The following EID3 variants were observed in gnomAD, a reference collection of about 807,000 sequenced individuals.
EID3 encodes the protein EP300 interacting inhibitor of differentiation 3.
EID3 carries 3 observed loss-of-function variants against 1.6 expected under a neutral mutation model. The ratio of observed to expected loss-of-function variants is 1.87; its 90% CI spans 0.85 to 4.83. The LOEUF (loss-of-function observed/expected upper bound fraction) is 4.83. Among genes scored for constraint, EID3 ranks in the 30% most tolerant of loss-of-function variants. The pLI, the probability that EID3 is intolerant of heterozygous loss-of-function variation, is 0.02. For missense variants in EID3, 471 were observed against 409.9 expected (o/e 1.15, Z -1.29); for synonymous variants, 164 against 148.1 (o/e 1.11, Z -0.78).
Position 104,304,953 on chromosome 12 carries a change from C to A in EID3, c.*17C>A. The A allele has an allele frequency of 6.5e-7, 1 of 1,548,424 alleles. No homozygotes were observed. On this transcript the variant is annotated 3_prime_UTR_variant, in exon 1 of 1. Coordinates refer to ENST00000527879, the MANE Select transcript of EID3 (RefSeq NM_001008394.3). ...TCATACTAAAGATTTCTTAGTATAG[C>A]ATCCTTTTTGTGTTTTTTTTCTGAA...
In EID3 at chr12:104,305,026, G is replaced by A. The variant is rs528520181; in HGVS notation, c.*90G>A. 5 of 1,316,336 alleles carry A rather than the reference G, an allele frequency of 3.8e-6. No homozygotes were observed. In the South Asian group the frequency reaches 4.9e-5, roughly 13 times the overall value. 81.5% of individuals were successfully genotyped at this position (1,316,336 alleles called of 1,614,324 possible). On this transcript the variant is annotated 3_prime_UTR_variant, in exon 1 of 1. Coordinates refer to ENST00000527879, the MANE Select transcript of EID3 (RefSeq NM_001008394.3). ...AACTGAAGCACATATTGTATCTCTTGTAAAGTGAAAAAGTATTTTCAAGAA... is the reference window on the plus strand; with the variant it reads ...AACTGAAGCACATATTGTATCTCTTATAAAGTGAAAAAGTATTTTCAAGAA...
Position 104,304,619 on chromosome 12 carries a change from C to G in EID3, c.685C>G (p.Gln229Glu). ...KNVERILGLL[Q>E]TYFRKYPDTP... The stretch of plus-strand genomic sequence containing the variant: ...CGTAGAAAGGATTTTGGGATTGTTG[C>G]AAACCTACTTTCGAAAGTATCCTGA... Residue 229 changes from glutamine (Q) to glutamate (E), a missense_variant, in exon 1 of 1, where the codon CAA (glutamine) becomes GAA (glutamate). Coordinates refer to ENST00000527879, the MANE Select transcript of EID3 (RefSeq NM_001008394.3). The G allele has an allele frequency of 6.2e-7, 1 of 1,613,876 alleles. No individual in the cohort carries two copies.
Position 104,304,333 on chromosome 12 carries a change from A to C in EID3, c.399A>C (p.Glu133Asp). The C allele has an allele frequency of 1.9e-6, 3 of 1,614,050 alleles. No individual in the cohort carries two copies. Among genetic ancestry groups the C allele is most frequent in the Non-Finnish European group, 2.5e-6 (3 of 1,179,906 alleles). ...LFLFVGLNWM[E>D]GDPDKLSDCD... is the part of the protein sequence containing the mutation. Reference sequence around the variant, plus strand: ...TGTTCGTGGGTCTGAATTGGATGGAAGGCGATCCTGACAAGTTGAGTGATT... The same window carrying C: ...TGTTCGTGGGTCTGAATTGGATGGACGGCGATCCTGACAAGTTGAGTGATT... Residue 133 changes from glutamate (E) to aspartate (D), a missense_variant, in exon 1 of 1, where the codon GAA (glutamate) becomes GAC (aspartate). By Grantham distance (45) the Glu-to-Asp change is conservative (BLOSUM62 2). Transcript: ENST00000527879.
rs368685732 is a variant in EID3 at position 104,304,365 on chromosome 12, A to C, written c.431A>C (p.Asp144Ala). The C allele has an allele frequency of 8.7e-6, 14 of 1,613,934 alleles. No homozygotes were observed. In the African/African-American group the frequency reaches 1.9e-4, roughly 22 times the overall value. The change falls in exon 1 of 1, where the codon GAT becomes GCT. Residue 144 changes from aspartate (D) to alanine (A), a missense_variant. Transcript: ENST00000527879. ...GDPDKLSDCD[D>A]SIALSFWKAI... ...CCTGACAAGTTGAGTGATTGTGATG[A>C]TAGCATAGCTCTTTCCTTCTGGAAG...
chr12:104,304,538 C>G lies in EID3; in HGVS notation c.604C>G (p.Pro202Ala), dbSNP rs746544757. 1 of 1,613,974 alleles carries G rather than the reference C, an allele frequency of 6.2e-7. No homozygotes were observed. The highest frequency in any genetic ancestry group is 8.5e-7 in the Non-Finnish European group (1 of 1,179,886). ...VRKMEENGNM[P>A]TKLQKLDLSS... ...CAAGATGGAAGAAAATGGCAACATG[C>G]CTACAAAGTTGCAGAAGTTGGACCT... Residue 202 changes from proline to alanine, a missense_variant, in exon 1 of 1, where the codon CCT becomes GCT. Transcript: ENST00000527879.
chr12:104,303,777 C>T lies in EID3; in HGVS notation c.-158C>T. 1 of 1,253,546 alleles carries T rather than the reference C, an allele frequency of 8.0e-7. No homozygotes were observed. Among genetic ancestry groups the T allele is most frequent in the Non-Finnish European group, 1.1e-6 (1 of 944,918 alleles). The allele number at this position is 1,253,546 out of a possible 1,614,324, so 77.7% of individuals were successfully genotyped here. On this transcript the variant is annotated 5_prime_UTR_variant, in exon 1 of 1. Coordinates refer to ENST00000527879, the MANE Select transcript of EID3 (RefSeq NM_001008394.3). ...CTCGGCTCTAACTGCCGCCACTTTCCACACGCTGGGAGGGCCGTTACCTCA... is the reference window on the plus strand; with the variant it reads ...CTCGGCTCTAACTGCCGCCACTTTCTACACGCTGGGAGGGCCGTTACCTCA...
Position 104,304,747 on chromosome 12 carries a change from A to G in EID3, c.813A>G (p.Ala271=), listed in dbSNP as rs199802893. 9,402 of 1,613,862 alleles carry G rather than the reference A, an allele frequency of 5.8e-3. 55 individuals carry two copies. Among genetic ancestry groups the G allele is most frequent in the South Asian group, 0.015 (1,334 of 91,054 alleles). ...CTTTTATTGTAAGAGATGGTTTTGC[A>G]AGAATAAGGCTTGATGAAGACAGGC... ...YVSFIVRDGF[A]RIRLDEDRLP... is the part of the protein sequence containing the mutation. The change falls in exon 1 of 1, where the codon GCA becomes GCG. Residue 271 remains alanine (A), a synonymous_variant. Transcript: ENST00000527879.
chr12:104,304,220 G>A lies in EID3; in HGVS notation c.286G>A (p.Ala96Thr), dbSNP rs756460076. 4 of 1,613,952 alleles carry A rather than the reference G, an allele frequency of 2.5e-6. No homozygotes were observed. Among genetic ancestry groups the A allele is most frequent in the Non-Finnish European group, 3.4e-6 (4 of 1,179,906 alleles). ...AALDARFLVMASDLGKEKAKQ... is the reference protein window; with the variant it reads ...AALDARFLVMTSDLGKEKAKQ... ...CCTCGACGCCCGGTTTCTTGTTATGGCTTCTGATTTGGGTAAAGAAAAGGC... is the reference window on the plus strand; with the variant it reads ...CCTCGACGCCCGGTTTCTTGTTATGACTTCTGATTTGGGTAAAGAAAAGGC... Residue 96 changes from alanine to threonine, a missense_variant, in exon 1 of 1, where the codon GCT becomes ACT. Physicochemically the swap from Ala to Thr is moderately conservative, Grantham distance 58. Transcript: ENST00000527879.
rs534870248 is a variant in EID3, at chr12:104,303,826, G to C, written c.-109G>C. The C allele has an allele frequency of 4.2e-6, 6 of 1,423,326 alleles. No homozygotes were observed. The African/African-American group carries it at 8.6e-5, about 20-fold the overall frequency. 88.2% of individuals were successfully genotyped at this position (1,423,326 alleles called of 1,614,324 possible). On this transcript the variant is annotated 5_prime_UTR_variant, in exon 1 of 1. Transcript: ENST00000527879. Reference sequence around the variant, plus strand: ...CAGAGATACCCGTGGCCGGCATGTTGGTTGAAAAAGCTTCCCGGAAGGGAG... The same window carrying C: ...CAGAGATACCCGTGGCCGGCATGTTCGTTGAAAAAGCTTCCCGGAAGGGAG...
chr12:104,303,944 G>A lies in EID3; in HGVS notation c.10G>A (p.Asp4Asn). 6.3e-7 allele frequency: 1 copy of A among 1,596,822 alleles called. No homozygotes were observed. The highest frequency in any genetic ancestry group is 8.5e-7 in the Non-Finnish European group (1 of 1,176,412). The change falls in exon 1 of 1, where the codon GAT becomes AAT. Residue 4 changes from aspartate (D) to asparagine (N), a missense_variant. By Grantham distance (23) the Asp-to-Asn change is conservative. Coordinates refer to ENST00000527879, the MANE Select transcript of EID3 (RefSeq NM_001008394.3). MKMDVSVRAAGCSD... is the reference protein window; with the variant it reads MKMNVSVRAAGCSD... ...GGCGGAGGGAGCGCTGATGAAGATG[G>A]ATGTGTCAGTGAGGGCCGCGGGCTG...
chr12:104,304,357 T>C lies in EID3; in HGVS notation c.423T>C (p.Asp141=). ...AAGGCGATCCTGACAAGTTGAGTGA[T>C]TGTGATGATAGCATAGCTCTTTCCT... is the stretch of plus-strand genomic sequence containing the variant. ...WMEGDPDKLS[D]CDDSIALSFW... is the part of the protein sequence containing the mutation. Residue 141 remains aspartate (D), a synonymous_variant, in exon 1 of 1, where the codon GAT becomes GAC. Transcript: ENST00000527879. The C allele has an allele frequency of 1.2e-6, 2 of 1,614,026 alleles. No homozygotes were observed. The highest frequency in any genetic ancestry group is 8.5e-7 in the Non-Finnish European group (1 of 1,179,904).
rs1380627147 is a variant in EID3 at position 104,304,499 on chromosome 12, C to A, written c.565C>A (p.Gln189Lys). 4 of 1,613,748 alleles carry A rather than the reference C, an allele frequency of 2.5e-6. No individual in the cohort carries two copies. The highest frequency in any genetic ancestry group is 3.4e-6 in the Non-Finnish European group (4 of 1,179,872). The change falls in exon 1 of 1, where the codon CAG (glutamine) becomes AAG (lysine). Residue 189 changes from glutamine to lysine, a missense_variant. By Grantham distance (53) the Gln-to-Lys change is moderately conservative. Transcript: ENST00000527879. The stretch of plus-strand genomic sequence containing the variant: ...TGCACCAAAGCCCCGACTTGAACAC[C>A]AGAAAAAAGTTCGCAAGATGGAAGA... ...RSAPKPRLEH[Q>K]KKVRKMEENG...
Position 104,304,722 on chromosome 12 carries a change from C to T in EID3, c.788C>T (p.Ser263Phe). 1 of 1,613,536 alleles carries T rather than the reference C, an allele frequency of 6.2e-7. No homozygotes were observed. Among genetic ancestry groups the T allele is most frequent in the Admixed American group, 1.7e-5 (1 of 59,908 alleles). ...ACTGTGGAGAATATATTTTATGTTT[C>T]TTTTATTGTAAGAGATGGTTTTGCA... The part of the protein sequence containing the change: ...SRTVENIFYV[S>F]FIVRDGFARI... Residue 263 changes from serine to phenylalanine, a missense_variant, in exon 1 of 1, where the codon TCT becomes TTT. By Grantham distance (155) the Ser-to-Phe change is radical. Transcript: ENST00000527879.
rs776915935 is a variant in EID3, at chr12:104,304,646, A to T, written c.712A>T (p.Thr238Ser). 1 of 1,613,750 alleles carries T rather than the reference A, an allele frequency of 6.2e-7. No homozygotes were observed. Among genetic ancestry groups the T allele is most frequent in the Non-Finnish European group, 8.5e-7 (1 of 1,179,782 alleles). Residue 238 changes from threonine to serine, a missense_variant, in exon 1 of 1, where the codon ACT (threonine) becomes TCT (serine). Transcript: ENST00000527879. ...AACCTACTTTCGAAAGTATCCTGATACTCCTGTGTCCTATTTTGAGTTTGT... is the reference window on the plus strand; with the variant it reads ...AACCTACTTTCGAAAGTATCCTGATTCTCCTGTGTCCTATTTTGAGTTTGT... ...LQTYFRKYPD[T>S]PVSYFEFVID...
Position 104,304,886 on chromosome 12 carries a change from G to A in EID3, c.952G>A (p.Val318Met). The A allele has an allele frequency of 4.3e-6, 7 of 1,611,546 alleles. No individual in the cohort carries two copies. Among genetic ancestry groups the A allele is most frequent in the Non-Finnish European group, 5.9e-6 (7 of 1,179,236 alleles). The change falls in exon 1 of 1, where the codon GTG (valine) becomes ATG (methionine). Residue 318 changes from valine to methionine, a missense_variant. By Grantham distance (21) the Val-to-Met change is conservative (BLOSUM62 1). Transcript: ENST00000527879. ...GACTTTACAGGAGTGGAAAAACATT[G>A]TGGCAGCTTTTGAAATTTCTGAGGC... ...SLTLQEWKNI[V>M]AAFEISEAMI...
Position 104,304,203 on chromosome 12 carries a change from C to T in EID3, c.269C>T (p.Ala90Val), listed in dbSNP as rs755027279. Residue 90 changes from alanine to valine, a missense_variant, in exon 1 of 1, where the codon GCC becomes GTC. Transcript: ENST00000527879. ...VSRTREAALD[A>V]RFLVMASDLG... ...CGAACCAGAGAAGCAGCCCTCGACG[C>T]CCGGTTTCTTGTTATGGCTTCTGAT... The T allele has an allele frequency of 2.6e-5, 42 of 1,613,946 alleles. No individual in the cohort carries two copies. Among genetic ancestry groups the T allele is most frequent in the Non-Finnish European group, 3.6e-5 (42 of 1,179,910 alleles).
chr12:104,305,080 A>G lies in EID3; in HGVS notation c.*144A>G. The G allele has an allele frequency of 5.9e-6, 5 of 847,506 alleles. No homozygotes were observed. Among genetic ancestry groups the G allele is most frequent in the Non-Finnish European group, 8.5e-6 (5 of 586,712 alleles). 52.5% of individuals were successfully genotyped at this position (847,506 alleles called of 1,614,324 possible). ...CAGACATTGTTTTACTGTGCAGCATATTTTTCTTAGTAATTTATAAGGTCA... is the reference window on the plus strand; with the variant it reads ...CAGACATTGTTTTACTGTGCAGCATGTTTTTCTTAGTAATTTATAAGGTCA... On this transcript the variant is annotated 3_prime_UTR_variant, in exon 1 of 1. Transcript: ENST00000527879.
chr12:104,304,837 C>T lies in EID3; in HGVS notation c.903C>T (p.Gly301=), dbSNP rs2034824528. ...MGEGNDSSCH[G]RKQGVISLTL... ...AGGGAAATGATTCCAGTTGCCATGG[C>T]AGGAAACAGGGAGTTATATCTTTGA... Residue 301 remains glycine, a synonymous_variant, in exon 1 of 1, where the codon GGC becomes GGT. Coordinates refer to ENST00000527879, the MANE Select transcript of EID3 (RefSeq NM_001008394.3). 1.9e-6 allele frequency: 3 copies of T among 1,613,822 alleles called. No homozygotes were observed. Among genetic ancestry groups the T allele is most frequent in the African/African-American group, 2.7e-5 (2 of 74,908 alleles).
rs776208689 is a variant in EID3, at chr12:104,304,452, G to A, written c.518G>A (p.Gly173Asp). The A allele has an allele frequency of 1.2e-5, 19 of 1,613,940 alleles. No homozygotes were observed. Among genetic ancestry groups the A allele is most frequent in the Non-Finnish European group, 1.5e-5 (18 of 1,179,878 alleles). ...VKAETFHFVF[G>D]SFKLERSAPK... Reference sequence around the variant, plus strand: ...GCTGAGACATTCCATTTTGTTTTTGGTTCATTCAAGCTAGAACGTTCTGCA... The same window carrying A: ...GCTGAGACATTCCATTTTGTTTTTGATTCATTCAAGCTAGAACGTTCTGCA... Residue 173 changes from glycine (G) to aspartate (D), a missense_variant, in exon 1 of 1, where the codon GGT becomes GAT. By Grantham distance (94) the Gly-to-Asp change is moderately conservative. Coordinates refer to ENST00000527879, the MANE Select transcript of EID3 (RefSeq NM_001008394.3).
Sources: allele counts gnomAD v4.1 joint callset, GRCh38; gene constraint gnomAD v4.1.1; transcripts MANE v1.5; gene names NCBI Gene and HGNC (gene_info 2026-07-23, HGNC 2026-07-21).